Variants in SNRPN observed in about 807,000 individuals in gnomAD.
SNRPN encodes the protein small nuclear ribonucleoprotein polypeptide N, also known as small nuclear ribonucleoprotein-associated protein N.
SNRPN carries 7 observed loss-of-function variants against 25.2 expected under a neutral mutation model. The ratio of observed to expected loss-of-function variants is 0.28; its 90% confidence interval spans 0.16 to 0.52. The LOEUF (loss-of-function observed/expected upper bound fraction) is 0.52, where lower values mean the gene tolerates loss of function less well. Among genes scored for constraint, SNRPN ranks in the 20% least tolerant of loss-of-function variants. The probability of loss-of-function intolerance (pLI) is 0.96; values close to 1 mark genes in which losing one functional copy is unlikely to be tolerated. For synonymous variants in SNRPN, 124 were observed against 110.6 expected (o/e 1.12, Z -0.76); for missense variants, 196 against 322.5 (o/e 0.61, Z 3.00).
intron 3 of SNRPN, among the ~76,000 whole-genome samples, chr15:24,924,441 G>A (rs1260086411): frequency 6.6e-6 from 1 of 152,042 alleles, no homozygotes; most frequent in Non-Finnish European, 1.5e-5. Flanking sequence ...TTCCTGGGGA[G>A]GGGATTCATG....
intron 2 of SNRPN, among the ~76,000 whole-genome samples, chr15:24,916,295 T>TA (rs1230853912): frequency 3.3e-5 from 5 of 152,078 alleles, no homozygotes; most frequent in African/African-American, 1.2e-4. Context: ...CAATGTGGGT[T>TA]AATGTTTCAA....
intron 3 of SNRPN, among the ~76,000 whole-genome samples, chr15:24,973,700 G>A (rs142221964): frequency 2.0e-5 from 3 of 152,168 alleles, no homozygotes; most frequent in East Asian, 1.9e-4. Context: ...TCACCCGGCC[G>A]TTAACGTGAT....
chr15:24,892,770 A>G (rs12442091), intron 2 of SNRPN, among the ~76,000 whole-genome samples: 15,743 of 152,108 alleles, frequency 0.1, 1,211 homozygotes, highest in East Asian at 0.25. Context: ...AAATATCCTT[A>G]GCAAAATCAT....
intron 2 of SNRPN, among the ~76,000 whole-genome samples, chr15:24,837,205 A>G (rs909805625): frequency 7.2e-5 from 11 of 152,014 alleles, no homozygotes; most frequent in Non-Finnish European, 2.9e-5. Context: ...TCTGGCGAAA[A>G]GAATGAACTC....
chr15:24,946,206 G>A (rs932073672), intron 3 of SNRPN, among the ~76,000 whole-genome samples: 4 of 152,144 alleles, frequency 2.6e-5, no homozygotes, highest in Admixed American at 2.0e-4. Context: ...TTTGAGTACG[G>A]TTCTTTTCTT....
intron 3 of SNRPN, among the ~76,000 whole-genome samples, chr15:24,946,340 G>C (rs894274024): frequency 6.6e-6 from 1 of 152,184 alleles, no homozygotes; most frequent in Admixed American, 6.5e-5. Context: ...CTAGGAGGTC[G>C]AGGCTGCAGT....
At chr15:24,886,143 A>T (rs1375810633) in intron 1 of SNRPN, among the ~76,000 whole-genome samples, 2 of 152,196 alleles carry the variant, frequency 1.3e-5, no homozygotes, top group Non-Finnish European at 2.9e-5. Flanking sequence ...AAGTTAGTTT[A>T]GCAAGACCCC....
chr15:24,970,361 C>A (rs2153616346), intron 3 of SNRPN, among the ~76,000 whole-genome samples: 1 of 152,280 alleles, frequency 6.6e-6, no homozygotes. Context: ...AGGTGGATCA[C>A]CTGAGGTCAG....
intron 2 of SNRPN, among the ~76,000 whole-genome samples, chr15:24,892,373 A>G (rs894621273): frequency 5.9e-5 from 9 of 152,138 alleles, no homozygotes; most frequent in African/African-American, 2.2e-4. Context: ...GAAGATTGAA[A>G]GTGGCAAGAG....
At chr15:24,826,767 G>A (rs2050112343) in intron 1 of SNRPN, among the ~76,000 whole-genome samples, 1 of 151,986 alleles carries the variant, frequency 6.6e-6, no homozygotes, top group Non-Finnish European at 1.5e-5. Flanking sequence ...ATTTAAGGTG[G>A]ATCTAAAAGA....
chr15:24,838,314 C>T (rs1383541456), intron 2 of SNRPN, among the ~76,000 whole-genome samples: 4 of 152,310 alleles, frequency 2.6e-5, no homozygotes, highest in African/African-American at 4.8e-5. Flanking sequence ...GGATTACAGG[C>T]GTGAGCCACC....
chr15:24,936,461 T>C (rs138869111), intron 3 of SNRPN, among the ~76,000 whole-genome samples: 239 of 152,212 alleles, frequency 1.6e-3, no homozygotes, highest in African/African-American at 5.2e-3. Context: ...GGCCTAGTGA[T>C]AGTTAGGTCA....
At chr15:24,937,357 CAAAA>C (rs578130797) in intron 3 of SNRPN, among the ~76,000 whole-genome samples, 2 of 151,332 alleles carry the variant, frequency 1.3e-5, no homozygotes, top group Admixed American at 6.6e-5. Context: ...CAAAACAAAA[CAAAA>C]AAAACGAAAA....
At chr15:24,888,084 T>C (rs990658525) in intron 2 of SNRPN, among the ~76,000 whole-genome samples, 2 of 151,848 alleles carry the variant, frequency 1.3e-5, no homozygotes, top group African/African-American at 4.8e-5. Flanking sequence ...TTTACCGTAA[T>C]ATAAAATGAC....
chr15:24,937,433 C>A (rs2061304733), intron 3 of SNRPN, among the ~76,000 whole-genome samples: 1 of 152,050 alleles, frequency 6.6e-6, no homozygotes, highest in Non-Finnish European at 1.5e-5. Context: ...ACTCAGGAGG[C>A]TGAGGTGGGA....
At chr15:24,893,254 A>G (rs1319976545) in intron 2 of SNRPN, among the ~76,000 whole-genome samples, 3 of 151,592 alleles carry the variant, frequency 2.0e-5, no homozygotes, top group South Asian at 2.1e-4. Context: ...AGAAGAAAAG[A>G]AAGTTTTTCC....
At chr15:24,888,112 C>CT (rs113183574) in intron 2 of SNRPN, among the ~76,000 whole-genome samples, 29,241 of 139,804 alleles carry the variant, frequency 0.21, 3,559 homozygotes, top group Non-Finnish European at 0.23. Flanking sequence ...TTAGAAATGA[C>CT]TTTTTTTTTT....
At chr15:24,900,325 A>G (rs886538644) in intron 2 of SNRPN, among the ~76,000 whole-genome samples, 17 of 152,228 alleles carry the variant, frequency 1.1e-4, no homozygotes, top group African/African-American at 3.9e-4. Flanking sequence ...ATATTGTTAA[A>G]TATCAAAACC....
intron 3 of SNRPN, among the ~76,000 whole-genome samples, chr15:24,946,003 G>A (rs1050698994): frequency 2.6e-5 from 4 of 152,170 alleles, no homozygotes; most frequent in South Asian, 2.1e-4. Context: ...CTCAATGTGT[G>A]TGTGTCCTGT....
Sources: allele counts gnomAD v4.1 joint callset (sites outside exome capture counted in the v4.1 genomes callset), GRCh38; gene constraint gnomAD v4.1.1; transcripts MANE v1.5; gene names NCBI Gene and HGNC (gene_info 2026-07-23, HGNC 2026-07-21).